The following FSD2 variants were observed in gnomAD, a reference collection of about 807,000 sequenced individuals.
FSD2 encodes fibronectin type III and SPRY domain containing 2.
Under a neutral mutation model 80.4 loss-of-function variants are expected in FSD2, and 71 were observed. The observed-to-expected ratio is 0.88, with a 90% CI of 0.73 to 1.08. FSD2 has a LOEUF of 1.08. Among genes scored for constraint, FSD2 ranks in the 50% least tolerant of loss-of-function variants. The pLI is 0.00. For missense variants in FSD2, 923 were observed against 913.8 expected (o/e 1.01, Z -0.13); for synonymous variants, 361 against 329.5 (o/e 1.10, Z -1.03).
At chr15:82,798,878 G>T (rs4010118) in intron 1 of FSD2, among the ~76,000 whole-genome samples, 111,677 of 135,476 alleles carry the variant, frequency 0.82, 46,014 homozygotes, top group African/African-American at 0.91. Flanking sequence ...CCACTGTTTT[G>T]TTTTTTTTTT....
At chr15:82,768,510 C>T (rs142024677) in intron 9 of FSD2, among the ~76,000 whole-genome samples, 4 of 152,352 alleles carry the variant, frequency 2.6e-5, no homozygotes, top group Admixed American at 2.6e-4. Context: ...ACCAGACTGT[C>T]AGCCCCATTA....
chr15:82,790,806 C>G (rs964470110), intron 1 of FSD2, among the ~76,000 whole-genome samples: 2 of 147,250 alleles, frequency 1.4e-5, no homozygotes, highest in African/African-American at 2.5e-5. Context: ...AGGATGGTCT[C>G]GATCTCCTGA....
chr15:82,770,238 A>G (rs1439254421), intron 7 of FSD2, among the ~76,000 whole-genome samples: 1 of 152,214 alleles, frequency 6.6e-6, no homozygotes, highest in Non-Finnish European at 1.5e-5. Context: ...AGGATGTGAG[A>G]CCGCAGGGAG....
chr15:82,789,381 A>G (rs1044080622), intron 1 of FSD2, among the ~76,000 whole-genome samples: 26 of 151,476 alleles, frequency 1.7e-4, no homozygotes, highest in Non-Finnish European at 2.2e-4. Flanking sequence ...TAATAATAAT[A>G]GTAAATACAA....
At chr15:82,772,017 CCTGAGGGGCCT>C in intron 7 of FSD2, 45 bp downstream of exon 7, 2 of 1,470,144 alleles carry the variant, frequency 1.4e-6, no homozygotes, top group South Asian at 1.5e-5. Flanking sequence ...GGCCCAGGCC[CCTGAGGGGCCT>C]GAACTGTTCC....
rs1470294755 is a variant in FSD2 at position 82,787,200 on chromosome 15, T to A, written c.191A>T (p.Gln64Leu). ...ESRGAGDGKAQRDLQEEVDEL... is the reference protein window; with the variant it reads ...ESRGAGDGKALRDLQEEVDEL... Reference sequence around the variant, plus strand: ...ATCCACTTCCTCTTGAAGGTCTCTTTGAGCCTTACCATCCCCTGCTCCTCT... The same window carrying A: ...ATCCACTTCCTCTTGAAGGTCTCTTAGAGCCTTACCATCCCCTGCTCCTCT... The change falls in exon 2 of 13, where the codon CAA becomes CTA. Residue 64 changes from glutamine (Q) to leucine (L), a missense_variant. By Grantham distance (113) the Gln-to-Leu change is moderately radical. Coordinates refer to ENST00000334574, the MANE Select transcript of FSD2 (RefSeq NM_001007122.4). The A allele has an allele frequency of 1.2e-6, 2 of 1,613,900 alleles. No homozygotes were observed. Among genetic ancestry groups the A allele is most frequent in the African/African-American group, 2.7e-5 (2 of 74,930 alleles).
intron 1 of FSD2, among the ~76,000 whole-genome samples, chr15:82,797,373 A>C (rs2050301121): frequency 1.3e-5 from 2 of 152,258 alleles, no homozygotes; most frequent in African/African-American, 4.8e-5. Flanking sequence ...TTACATCAAC[A>C]AAATGAAAAG....
chr15:82,777,187 C>G (rs984631523), intron 6 of FSD2, among the ~76,000 whole-genome samples: 2 of 152,094 alleles, frequency 1.3e-5, no homozygotes, highest in African/African-American at 2.4e-5. Flanking sequence ...GATTTGACAC[C>G]AAAAGCACAA....
In FSD2 at chr15:82,772,076, C is replaced by G. The variant is rs1451664660; in HGVS notation, c.1264G>C (p.Ala422Pro). Residue 422 changes from alanine to proline, a missense_variant, in exon 7 of 13, where the codon GCA (alanine) becomes CCA (proline). Transcript: ENST00000334574. ...CATGTTCCTGGCAGAGCCTCACCTG[C>G]TTGGTCCGTCCCAGGTGAGCTGTCC... Reference protein sequence around the residue: ...VQDSSPGTDQAEFTVTVKETY... With the variant: ...VQDSSPGTDQPEFTVTVKETY... 12 of 1,562,122 alleles carry G rather than the reference C, an allele frequency of 7.7e-6. No individual in the cohort carries two copies. Among genetic ancestry groups the G allele is most frequent in the Non-Finnish European group, 9.5e-6 (11 of 1,160,004 alleles).
chr15:82,778,725 G>A (rs1186350032), intron 6 of FSD2, 41 bp downstream of exon 6: 1 of 1,552,518 alleles, frequency 6.4e-7, no homozygotes, highest in Non-Finnish European at 8.7e-7. Flanking sequence ...AAAGCTCTGG[G>A]TAGTCTGAAC....
At chr15:82,768,839 T>A in intron 9 of FSD2, 41 bp downstream of exon 9, 2 of 1,413,922 alleles carry the variant, frequency 1.4e-6, no homozygotes. Context: ...CTGTATCAGG[T>A]GTCAGGGCTC....
rs753310052 is a variant in FSD2 at position 82,762,174 on chromosome 15, T to C, written c.1925A>G (p.Asp642Gly). The part of the protein sequence containing the change: ...LDYRVGVAFA[D>G]VRKQEDLGAN... ...TCCCAGATCCTCCTGTTTACGGACA[T>C]CTGCAAAGGCCACACCAACTCTGTA... The change falls in exon 12 of 13, where the codon GAT becomes GGT. Residue 642 changes from aspartate (D) to glycine (G), a missense_variant. By Grantham distance (94) the Asp-to-Gly change is moderately conservative. Transcript: ENST00000334574. 52 of 1,613,396 alleles carry C rather than the reference T, an allele frequency of 3.2e-5. No homozygotes were observed. In the Middle Eastern group the frequency reaches 4.9e-4, roughly 15 times the overall value.
chr15:82,768,918 C>A lies in FSD2; in HGVS notation c.1515G>T (p.Leu505=). The A allele has an allele frequency of 6.3e-7, 1 of 1,587,374 alleles. No individual in the cohort carries two copies. Among genetic ancestry groups the A allele is most frequent in the Non-Finnish European group, 8.6e-7 (1 of 1,167,860 alleles). Reference sequence around the variant, plus strand: ...AGGCTTCTGGACTTTCAGCCTGGGTCAGCTCCACAGTGTACGAGTCCACAG... The same window carrying A: ...AGGCTTCTGGACTTTCAGCCTGGGTAAGCTCCACAGTGTACGAGTCCACAG... The part of the protein sequence containing the change: ...LNPVDSYTVE[L]TQAESPEASG... The change falls in exon 9 of 13, where the codon CTG becomes CTT. Residue 505 remains leucine (L), a synonymous_variant. Transcript: ENST00000334574.
At chr15:82,789,967 G>A (rs1442360241) in intron 1 of FSD2, among the ~76,000 whole-genome samples, 2 of 152,154 alleles carry the variant, frequency 1.3e-5, no homozygotes, top group Non-Finnish European at 2.9e-5. Flanking sequence ...ATGAGGTCAG[G>A]AGTTCGAGAC....
chr15:82,755,961 T>G lies in FSD2; in HGVS notation c.*3387A>C. On this transcript the variant is annotated 3_prime_UTR_variant, in exon 13 of 13. Coordinates refer to ENST00000334574, the MANE Select transcript of FSD2 (RefSeq NM_001007122.4). ...TATGTTCTTCTGGAGACTAAGAAAATAGAGTCCTTGAAATCAAGCTGACTC... is the reference window on the plus strand; with the variant it reads ...TATGTTCTTCTGGAGACTAAGAAAAGAGAGTCCTTGAAATCAAGCTGACTC... The G allele has an allele frequency of 1.9e-6, 1 of 516,146 alleles. No homozygotes were observed. Among genetic ancestry groups the G allele is most frequent in the Non-Finnish European group, 3.9e-6 (1 of 258,376 alleles). The allele number at this position is 516,146 out of a possible 1,614,324, so 32.0% of individuals were successfully genotyped here.
At chr15:82,769,098 A>G in intron 8 of FSD2, 68 bp from the exon 9 acceptor site, 4 of 1,314,074 alleles carry the variant, frequency 3.0e-6, no homozygotes, top group Non-Finnish European at 3.0e-6. Context: ...GTTCAGAGCC[A>G]TGGACAAACA....
rs1234833932 is a variant in FSD2 at position 82,791,057 on chromosome 15, G to A, written c.-78-3589C>T. Reference sequence around the variant, plus strand: ...TTTGTCACCCAGGCTGGAGTGCAGTGGCGCGATCTTAGCTCACTGCAAGCT... The same window carrying A: ...TTTGTCACCCAGGCTGGAGTGCAGTAGCGCGATCTTAGCTCACTGCAAGCT... On this transcript the variant is annotated intron_variant, in intron 1 of 12. Coordinates refer to ENST00000334574, the MANE Select transcript of FSD2 (RefSeq NM_001007122.4). Among the ~76,000 whole-genome samples, 5 of 148,258 alleles carry A rather than the reference G, an allele frequency of 3.4e-5. No individual in the cohort carries two copies. The East Asian group carries it at 8.3e-4, about 25-fold the overall frequency.
intron 1 of FSD2, among the ~76,000 whole-genome samples, chr15:82,805,140 A>ATT (rs57346494): frequency 0.17 from 22,007 of 131,482 alleles, 2,337 homozygotes; most frequent in African/African-American, 0.28. Context: ...TCCCCCAATA[A>ATT]TTTTTTTTTT....
intron 1 of FSD2, among the ~76,000 whole-genome samples, chr15:82,799,286 T>C (rs1204045126): frequency 6.6e-6 from 1 of 152,190 alleles, no homozygotes; most frequent in Non-Finnish European, 1.5e-5. Flanking sequence ...TTCAATCCTA[T>C]TGACCCTTCT....
Sources: allele counts gnomAD v4.1 joint callset (sites outside exome capture counted in the v4.1 genomes callset), GRCh38; gene constraint gnomAD v4.1.1; transcripts MANE v1.5; gene names NCBI Gene and HGNC (gene_info 2026-07-23, HGNC 2026-07-21).